Variants in STX8 observed in about 807,000 individuals in gnomAD.
STX8 encodes syntaxin-8.
A neutral mutation model predicts 37.5 loss-of-function variants in STX8; 23 were observed. The observed-to-expected ratio is 0.61, with a 90% CI of 0.44 to 0.87. The LOEUF (loss-of-function observed/expected upper bound fraction) is 0.87. Ranked by LOEUF, STX8 falls within the 40% of genes least tolerant of loss-of-function variation. The pLI is 0.00. For synonymous variants in STX8, 115 were observed against 99.1 expected, an observed-to-expected ratio of 1.16 and a Z score of -0.95; for missense variants, 313 against 284.7, an observed-to-expected ratio of 1.10 and a Z score of -0.71.
chr17:9,479,469 G>T (rs1906227980), intron 6 of STX8, among the ~76,000 whole-genome samples: 2 of 151,498 alleles, frequency 1.3e-5, no homozygotes. Context: ...AGGAAGCAGA[G>T]GTTGCAGTGA....
At chr17:9,278,771 G>A (rs1053392450) in intron 7 of STX8, among the ~76,000 whole-genome samples, 24 of 152,076 alleles carry the variant, frequency 1.6e-4, no homozygotes, top group African/African-American at 1.2e-4. Context: ...ACGGGGAGGC[G>A]GAGAGCAGGG....
At chr17:9,329,050 C>CAA (rs998679728) in intron 7 of STX8, among the ~76,000 whole-genome samples, 2,531 of 27,866 alleles carry the variant, frequency 0.091, 613 homozygotes, top group East Asian at 0.14. Context: ...GATTCCATCT[C>CAA]AAAAAAAAAA....
At chr17:9,566,199 A>G (rs1326006105) in intron 2 of STX8, among the ~76,000 whole-genome samples, 2 of 152,236 alleles carry the variant, frequency 1.3e-5, no homozygotes, top group Non-Finnish European at 2.9e-5. Context: ...AAAAACAGGA[A>G]AAAAAGCTCA....
At chr17:9,440,492 A>C (rs1200382958) in intron 6 of STX8, among the ~76,000 whole-genome samples, 1 of 151,312 alleles carries the variant, frequency 6.6e-6, no homozygotes, top group Non-Finnish European at 1.5e-5. Context: ...GATGTTTCAC[A>C]TTATTGCCCA....
intron 6 of STX8, among the ~76,000 whole-genome samples, chr17:9,448,830 T>C (rs1286142395): frequency 6.6e-6 from 1 of 152,120 alleles, no homozygotes; most frequent in East Asian, 1.9e-4. Flanking sequence ...CTGACTCTAA[T>C]TATTTTCAGA....
intron 7 of STX8, among the ~76,000 whole-genome samples, chr17:9,296,945 T>C (rs1231488474): frequency 6.6e-6 from 1 of 152,160 alleles, no homozygotes; most frequent in African/African-American, 2.4e-5. Flanking sequence ...TACTCAAGTA[T>C]AATACATATA....
intron 7 of STX8, among the ~76,000 whole-genome samples, chr17:9,332,147 A>T (rs73267998): frequency 0.014 from 2,075 of 152,282 alleles, 37 homozygotes; most frequent in African/African-American, 0.047. Flanking sequence ...TGTTACTAGG[A>T]TTTCTTAGCT....
intron 7 of STX8, among the ~76,000 whole-genome samples, chr17:9,275,505 T>C (rs1176095013): frequency 6.6e-6 from 1 of 152,224 alleles, no homozygotes; most frequent in Non-Finnish European, 1.5e-5. Context: ...GAGCAGACTG[T>C]CTAGCTACTG....
intron 7 of STX8, among the ~76,000 whole-genome samples, chr17:9,353,968 C>T (rs2142249187): frequency 6.6e-6 from 1 of 152,260 alleles, no homozygotes; most frequent in South Asian, 2.1e-4. Flanking sequence ...CTACCTGCTC[C>T]TTCTGACTTT....
intron 7 of STX8, among the ~76,000 whole-genome samples, chr17:9,377,496 G>A (rs1364039599): frequency 2.0e-5 from 3 of 151,862 alleles, no homozygotes; most frequent in African/African-American, 7.3e-5. Context: ...TTTGAGACAG[G>A]GTCTCACTCT....
intron 7 of STX8, among the ~76,000 whole-genome samples, chr17:9,275,043 G>A (rs1046456126): frequency 1.3e-5 from 2 of 152,018 alleles, no homozygotes; most frequent in Admixed American, 6.6e-5. Context: ...GAGCCACCGC[G>A]CCTGGCCCAA....
chr17:9,433,409 C>T, intron 6 of STX8, among the ~76,000 whole-genome samples: 1 of 152,288 alleles, frequency 6.6e-6, no homozygotes, highest in East Asian at 1.9e-4. Flanking sequence ...ATCAAAGATC[C>T]TTCATCACTA....
At chr17:9,316,317 C>T (rs1909380583) in intron 7 of STX8, among the ~76,000 whole-genome samples, 1 of 152,010 alleles carries the variant, frequency 6.6e-6, no homozygotes, top group South Asian at 2.1e-4. Context: ...GAGATGATGG[C>T]TGACTGGGGG....
intron 7 of STX8, among the ~76,000 whole-genome samples, chr17:9,325,247 C>T (rs149485172): frequency 2.0e-5 from 3 of 152,228 alleles, no homozygotes; most frequent in African/African-American, 4.8e-5. Flanking sequence ...AACATAACCC[C>T]CTCATAAGTC....
In STX8 at chr17:9,289,769, G is replaced by A. The variant is rs778275403; in HGVS notation, c.644-39124C>T. 9.1e-4 allele frequency among the ~76,000 whole-genome samples: 137 copies of A among 150,312 alleles called. 1 individual carries two copies. Among genetic ancestry groups the A allele is most frequent in the Non-Finnish European group, 5.9e-4 (40 of 67,708 alleles). ...CAGTCCAGCCTGGGTGACAGAGCAA[G>A]ACTCCGTCTCAAAAAAACAAAAACA... On this transcript the variant is annotated intron_variant, in intron 7 of 7. Transcript: ENST00000306357.
intron 4 of STX8, among the ~76,000 whole-genome samples, chr17:9,510,150 T>C (rs992805022): frequency 1.3e-5 from 2 of 152,162 alleles, no homozygotes; most frequent in African/African-American, 2.4e-5. Context: ...TTATTAGCTC[T>C]AAAGGGAGAG....
chr17:9,320,769 C>T (rs542686168), intron 7 of STX8, among the ~76,000 whole-genome samples: 74 of 151,564 alleles, frequency 4.9e-4, no homozygotes, highest in African/African-American at 1.6e-3. Flanking sequence ...GGTGTGGTGG[C>T]GTGCACCTCT....
intron 4 of STX8, 47 bp downstream of exon 4, chr17:9,545,125 A>G (rs1259353664): frequency 1.5e-6 from 2 of 1,301,546 alleles, no homozygotes; most frequent in South Asian, 2.4e-5. Flanking sequence ...GTATCTGCAA[A>G]GAAGTCTTCG....
At chr17:9,255,252 C>T (rs765361141) in intron 7 of STX8, among the ~76,000 whole-genome samples, 4 of 151,942 alleles carry the variant, frequency 2.6e-5, no homozygotes, top group Non-Finnish European at 5.9e-5. Context: ...ATGGGCCAGG[C>T]GCTGTGGCTC....
Sources: allele counts gnomAD v4.1 joint callset (sites outside exome capture counted in the v4.1 genomes callset), GRCh38; gene constraint gnomAD v4.1.1; transcripts MANE v1.5; gene names NCBI Gene and HGNC (gene_info 2026-07-23, HGNC 2026-07-21).